KDM7A: variants seen among roughly 807,000 people sequenced by gnomAD.
KDM7A encodes the protein lysine demethylase 7A.
In KDM7A, 28 loss-of-function variants were observed where a neutral mutation model predicts 114.8. The ratio of observed to expected loss-of-function variants is 0.24; its 90% CI spans 0.18 to 0.33. The LOEUF (loss-of-function observed/expected upper bound fraction) is 0.33, where lower values mean the gene tolerates loss of function less well. Among genes scored for constraint, KDM7A ranks in the 10% least tolerant of loss-of-function variants. The pLI, the probability that KDM7A is intolerant of heterozygous loss-of-function variation, is 1.00. For missense variants in KDM7A, 942 were observed against 1,142.5 expected, an observed-to-expected ratio of 0.82 and a Z score of 2.53; for synonymous variants, 423 against 397.8, an observed-to-expected ratio of 1.06 and a Z score of -0.75.
chr7:140,103,995 C>T (rs1325375055), intron 11 of KDM7A, among the ~76,000 whole-genome samples: 3 of 152,120 alleles, frequency 2.0e-5, no homozygotes, highest in Non-Finnish European at 2.9e-5. Flanking sequence ...TTTTTAATGA[C>T]TGCCATTCTA....
chr7:140,088,895 T>C lies in KDM7A; in HGVS notation c.*2199A>G, dbSNP rs558699301. On this transcript the variant is annotated 3_prime_UTR_variant, in exon 20 of 20. Coordinates refer to ENST00000397560, the MANE Select transcript of KDM7A (RefSeq NM_030647.2). The stretch of plus-strand genomic sequence containing the variant: ...TTAATTCATAAAAATAAAGTTTAAT[T>C]TTAATTTTTGTGACTAAAGAAAAAA... 1.5e-4 allele frequency: 25 copies of C among 164,522 alleles called. No homozygotes were observed. The highest frequency in any genetic ancestry group is 2.7e-4 in the Non-Finnish European group (21 of 76,636). 10.2% of individuals were successfully genotyped at this position (164,522 alleles called of 1,614,324 possible).
At chr7:140,107,100 T>C (rs1324848105) in intron 11 of KDM7A, among the ~76,000 whole-genome samples, 1 of 152,168 alleles carries the variant, frequency 6.6e-6, no homozygotes, top group Admixed American at 6.5e-5. Context: ...CAACCCCTGC[T>C]CTTTTTTTGT....
chr7:140,091,126 T>A lies in KDM7A; in HGVS notation c.2794A>T (p.Asn932Tyr). 1 of 1,614,170 alleles carries A rather than the reference T, an allele frequency of 6.2e-7. No homozygotes were observed. Among genetic ancestry groups the A allele is most frequent in the Non-Finnish European group, 8.5e-7 (1 of 1,179,966 alleles). ...KQRLGKILKLNRNGHARFFV is the reference protein window; with the variant it reads ...KQRLGKILKLYRNGHARFFV ...AAGAAACGTGCATGGCCATTTCTGT[T>A]CAACTTAAGGATCTTCCCAAGACGT... is the stretch of plus-strand genomic sequence containing the variant. The change falls in exon 20 of 20, where the codon AAC (asparagine) becomes TAC (tyrosine). Residue 932 changes from asparagine (N) to tyrosine (Y), a missense_variant. By Grantham distance (143) the Asn-to-Tyr change is moderately radical (BLOSUM62 -2). Around this residue, in one of 4 missense-constraint regions of KDM7A, gnomAD observed 512 missense variants for 576.6 expected, o/e 0.89. Coordinates refer to ENST00000397560, the MANE Select transcript of KDM7A (RefSeq NM_030647.2).
chr7:140,092,174 A>G, intron 18 of KDM7A, 97 bp from the exon 19 acceptor site: 1 of 1,121,418 alleles, frequency 8.9e-7, no homozygotes, highest in Non-Finnish European at 1.3e-6. Flanking sequence ...GAGAAGAAAC[A>G]AACTACTGAA....
intron 1 of KDM7A, among the ~76,000 whole-genome samples, chr7:140,162,533 G>C (rs777937118): frequency 6.6e-6 from 1 of 152,076 alleles, no homozygotes; most frequent in Non-Finnish European, 1.5e-5. Flanking sequence ...TATTTTCTCT[G>C]ACATTGATTT....
chr7:140,140,277 T>A (rs565068370), intron 1 of KDM7A, among the ~76,000 whole-genome samples: 1 of 152,292 alleles, frequency 6.6e-6, no homozygotes, highest in African/African-American at 2.4e-5. Flanking sequence ...CAGTGAAACT[T>A]ACCACATTAT....
intron 1 of KDM7A, among the ~76,000 whole-genome samples, chr7:140,153,756 G>A (rs1463156363): frequency 6.6e-6 from 1 of 152,172 alleles, no homozygotes; most frequent in African/African-American, 2.4e-5. Context: ...CGCAAATGGC[G>A]GCAGTGGCAG....
At position 140,156,285 on chromosome 7, in the gene KDM7A, CACAG is replaced by C. The variant is rs1373621661; in HGVS notation, c.195-17099_195-17096del. Among the ~76,000 whole-genome samples, 16 of 152,284 alleles carry C rather than the reference CACAG, an allele frequency of 1.1e-4. No homozygotes were observed. The South Asian group carries it at 1.7e-3, about 16-fold the overall frequency. On this transcript the variant is annotated intron_variant, in intron 1 of 19. Coordinates refer to ENST00000397560, the MANE Select transcript of KDM7A (RefSeq NM_030647.2). ...AGCCATGTTCACAATACATTTTGCA[CACAG>C]ACATAGGTAAATGAAATCACATAAT...
At chr7:140,138,003 G>A (rs1818897565) in intron 2 of KDM7A, among the ~76,000 whole-genome samples, 1 of 152,114 alleles carries the variant, frequency 6.6e-6, no homozygotes, top group Non-Finnish European at 1.5e-5. Flanking sequence ...ATATAAAAAT[G>A]CTAGTCTGCA....
chr7:140,117,632 CA>C (rs566045655), intron 9 of KDM7A, among the ~76,000 whole-genome samples: 113 of 152,278 alleles, frequency 7.4e-4, no homozygotes, highest in Middle Eastern at 3.4e-3. Flanking sequence ...TTTATTTCCA[CA>C]AAACAAGGAA....
At chr7:140,162,389 T>C (rs527620814) in intron 1 of KDM7A, among the ~76,000 whole-genome samples, 81 of 152,276 alleles carry the variant, frequency 5.3e-4, no homozygotes, top group African/African-American at 1.8e-3. Flanking sequence ...TATTAGATGT[T>C]TGAAATTCCT....
intron 1 of KDM7A, among the ~76,000 whole-genome samples, chr7:140,153,934 G>T (rs943755683): frequency 6.6e-6 from 1 of 152,086 alleles, no homozygotes; most frequent in Admixed American, 6.5e-5. Flanking sequence ...TTACTGAGAG[G>T]CAAGGAGGCA....
At chr7:140,113,286 G>A (rs1303020681) in intron 10 of KDM7A, among the ~76,000 whole-genome samples, 1 of 152,150 alleles carries the variant, frequency 6.6e-6, no homozygotes, top group Non-Finnish European at 1.5e-5. Context: ...CCAGATTGAA[G>A]ATTAAAGAAA....
intron 6 of KDM7A, among the ~76,000 whole-genome samples, chr7:140,125,677 C>T (rs543011060): frequency 1.3e-5 from 2 of 151,990 alleles, no homozygotes; most frequent in South Asian, 4.2e-4. Flanking sequence ...AGTGATCCTC[C>T]TGCCTCAGCC....
intron 13 of KDM7A, 74 bp downstream of exon 13, chr7:140,099,825 G>A (rs890479112): frequency 3.6e-6 from 5 of 1,400,632 alleles, no homozygotes; most frequent in Middle Eastern, 3.9e-4. Context: ...AAAGGTTGAG[G>A]ACCACTGGGT....
At chr7:140,167,799 A>T in intron 1 of KDM7A, among the ~76,000 whole-genome samples, 1 of 152,142 alleles carries the variant, frequency 6.6e-6, no homozygotes, top group Admixed American at 6.5e-5. Context: ...AAAATTTTGC[A>T]TGGCAAAAAA....
chr7:140,091,019 G>T lies in KDM7A; in HGVS notation c.*75C>A. The T allele has an allele frequency of 2.0e-6, 2 of 1,018,336 alleles. No homozygotes were observed. Among genetic ancestry groups the T allele is most frequent in the Non-Finnish European group, 3.1e-6 (2 of 640,714 alleles). The allele number at this position is 1,018,336 out of a possible 1,614,324, so 63.1% of individuals were successfully genotyped here. A position where few individuals can be genotyped will look rare whatever the true frequency, so the allele number is the denominator to read the frequency against. On this transcript the variant is annotated 3_prime_UTR_variant, in exon 20 of 20. Coordinates refer to ENST00000397560, the MANE Select transcript of KDM7A (RefSeq NM_030647.2). The stretch of plus-strand genomic sequence containing the variant: ...TACACACAAACTGCTCCAGGCAGGG[G>T]GACAGCGGAAGCTCCAGGCTCCTGC...
chr7:140,144,040 T>C (rs1020820522), intron 1 of KDM7A, among the ~76,000 whole-genome samples: 40 of 152,168 alleles, frequency 2.6e-4, no homozygotes, highest in African/African-American at 9.4e-4. Context: ...TATAAGAAAC[T>C]CAAAAAGGTT....
chr7:140,109,693 C>G (rs1818401128), intron 11 of KDM7A, among the ~76,000 whole-genome samples: 2 of 152,196 alleles, frequency 1.3e-5, no homozygotes, highest in Admixed American at 6.5e-5. Flanking sequence ...TCAGATATTA[C>G]TGAATTCCTA....
Sources: gnomAD v4.1 joint callset for allele counts (sites outside exome capture counted in the v4.1 genomes callset) on GRCh38, gnomAD v4.1.1 for gene constraint, gnomAD v4.1.1 regional missense constraint, MANE v1.5 for transcripts, NCBI Gene and HGNC (gene_info 2026-07-23, HGNC 2026-07-21) for gene names.